The following ATG10 variants were observed in gnomAD, a reference collection of about 807,000 sequenced individuals.
ATG10 encodes the protein autophagy related 10.
Under a neutral mutation model 32.1 loss-of-function variants are expected in ATG10, and 30 were observed. The ratio of observed to expected loss-of-function variants is 0.94; its 90% CI spans 0.70 to 1.27. ATG10 has a LOEUF of 1.27. Among genes scored for constraint, ATG10 ranks in the 50% most tolerant of loss-of-function variants. The pLI, the probability that ATG10 is intolerant of heterozygous loss-of-function variation, is 0.00. For missense variants in ATG10, 233 were observed against 262.3 expected, an observed-to-expected ratio of 0.89 and a Z score of 0.77; for synonymous variants, 87 against 91.5, an observed-to-expected ratio of 0.95 and a Z score of 0.28.
intron 3 of ATG10, among the ~76,000 whole-genome samples, chr5:82,112,640 T>G (rs907016048): frequency 5.3e-5 from 8 of 151,894 alleles, no homozygotes; most frequent in African/African-American, 1.9e-4. Context: ...AGTGCTGTGA[T>G]TATTAAGAAC....
intron 3 of ATG10, among the ~76,000 whole-genome samples, chr5:82,066,156 A>AT (rs1322700538): frequency 1.3e-5 from 2 of 152,012 alleles, no homozygotes; most frequent in African/African-American, 4.8e-5. Flanking sequence ...ATTGCTTTGT[A>AT]TTTTTTTGTC....
chr5:81,991,187 A>G (rs1761443859), intron 2 of ATG10, among the ~76,000 whole-genome samples: 1 of 152,218 alleles, frequency 6.6e-6, no homozygotes, highest in African/African-American at 2.4e-5. Flanking sequence ...TCTAAAGGGA[A>G]TTGTGAATCA....
intron 5 of ATG10, among the ~76,000 whole-genome samples, chr5:82,219,754 A>G (rs1340173218): frequency 6.6e-6 from 1 of 152,216 alleles, no homozygotes; most frequent in East Asian, 1.9e-4. Flanking sequence ...AGCCAATTTT[A>G]ACTATACTGT....
intron 4 of ATG10, among the ~76,000 whole-genome samples, chr5:82,177,355 A>G (rs1456582199): frequency 6.6e-6 from 1 of 152,172 alleles, no homozygotes; most frequent in African/African-American, 2.4e-5. Flanking sequence ...CTTATACTTG[A>G]AAGTCTTAAT....
chr5:82,145,264 G>T (rs774746301), intron 3 of ATG10, among the ~76,000 whole-genome samples: 3 of 151,944 alleles, frequency 2.0e-5, no homozygotes, highest in Non-Finnish European at 2.9e-5. Context: ...TAATATGATT[G>T]ATTTAAGTCT....
At chr5:82,005,928 T>C (rs1393013777) in intron 2 of ATG10, among the ~76,000 whole-genome samples, 1 of 152,180 alleles carries the variant, frequency 6.6e-6, no homozygotes. Context: ...CCCTTGTCTC[T>C]TCTAAACATA....
At chr5:82,248,576 C>A (rs1214090847) in intron 5 of ATG10, among the ~76,000 whole-genome samples, 2 of 152,166 alleles carry the variant, frequency 1.3e-5, no homozygotes, top group African/African-American at 4.8e-5. Context: ...TTTATATTTG[C>A]CCTTGGTTGA....
intron 3 of ATG10, among the ~76,000 whole-genome samples, chr5:82,079,936 G>A (rs1366228090): frequency 7.2e-5 from 11 of 152,152 alleles, no homozygotes; most frequent in South Asian, 4.1e-4. Flanking sequence ...TTGAGGAATC[G>A]CCACACTGTC....
At chr5:82,128,846 T>G (rs560580700) in intron 3 of ATG10, among the ~76,000 whole-genome samples, 11 of 151,816 alleles carry the variant, frequency 7.2e-5, no homozygotes, top group Middle Eastern at 3.4e-3. Flanking sequence ...TTTGGGTTGC[T>G]CTTCTCAAGG....
At chr5:82,124,051 T>C (rs902732271) in intron 3 of ATG10, among the ~76,000 whole-genome samples, 2 of 151,794 alleles carry the variant, frequency 1.3e-5, no homozygotes, top group Non-Finnish European at 2.9e-5. Flanking sequence ...TACTTTTTGT[T>C]TTTTTCCACT....
chr5:82,161,758 A>G (rs980551217), intron 3 of ATG10, among the ~76,000 whole-genome samples: 8 of 132,730 alleles, frequency 6.0e-5, no homozygotes, highest in Non-Finnish European at 1.3e-4. Context: ...TTTAAAGTCA[A>G]TGGAAGAAAG....
At chr5:82,189,783 C>A (rs1744587272) in intron 5 of ATG10, among the ~76,000 whole-genome samples, 1 of 152,106 alleles carries the variant, frequency 6.6e-6, no homozygotes, top group Admixed American at 6.6e-5. Context: ...ACCACTACAA[C>A]CCAGCTAATT....
At chr5:82,079,662 A>G (rs1381593624) in intron 3 of ATG10, among the ~76,000 whole-genome samples, 1 of 151,856 alleles carries the variant, frequency 6.6e-6, no homozygotes, top group Non-Finnish European at 1.5e-5. Flanking sequence ...GATGGTTTCC[A>G]GTTTCATCCA....
chr5:82,249,877 A>G (rs1026471225), intron 5 of ATG10, among the ~76,000 whole-genome samples: 1 of 152,186 alleles, frequency 6.6e-6, no homozygotes, highest in Non-Finnish European at 1.5e-5. Flanking sequence ...CCTGAACTGT[A>G]AGTGCCTATC....
At chr5:82,214,785 A>G (rs999968428) in intron 5 of ATG10, among the ~76,000 whole-genome samples, 22 of 152,114 alleles carry the variant, frequency 1.4e-4, no homozygotes, top group African/African-American at 5.3e-4. Context: ...TGAGACTCCC[A>G]TGGGGAAACA....
At chr5:81,999,789 A>T (rs987792983) in intron 2 of ATG10, among the ~76,000 whole-genome samples, 1 of 152,204 alleles carries the variant, frequency 6.6e-6, no homozygotes, top group Non-Finnish European at 1.5e-5. Flanking sequence ...ACCCTGCAAG[A>T]AATGGATAAA....
intron 3 of ATG10, chr5:82,111,393 A>G (rs1434630908): frequency 6.6e-6 from 1 of 151,986 alleles, no homozygotes. Flanking sequence ...GTATACAGAC[A>G]TCTTGCTTAT....
intron 3 of ATG10, chr5:82,111,416 C>T (rs1343351801): frequency 3.9e-5 from 6 of 152,076 alleles, no homozygotes; most frequent in Non-Finnish European, 5.9e-5. Flanking sequence ...AGACTGCTCT[C>T]TAGCTGTGGT....
At chr5:82,238,991 A>G (rs1378958649) in intron 5 of ATG10, among the ~76,000 whole-genome samples, 1 of 152,244 alleles carries the variant, frequency 6.6e-6, no homozygotes, top group African/African-American at 2.4e-5. Flanking sequence ...ATAAGAGTTT[A>G]GAATATATTG....
Sources: allele counts gnomAD v4.1 joint callset (sites outside exome capture counted in the v4.1 genomes callset), GRCh38; gene constraint gnomAD v4.1.1; transcripts MANE v1.5; gene names NCBI Gene and HGNC (gene_info 2026-07-23, HGNC 2026-07-21).